KIF27: variants seen among roughly 807,000 people sequenced by gnomAD.
KIF27 encodes kinesin-like protein KIF27.
A neutral mutation model predicts 141.8 loss-of-function variants in KIF27; 84 were observed. The ratio of observed to expected loss-of-function variants is 0.59; its 90% CI spans 0.50 to 0.71. KIF27 has a LOEUF of 0.71. KIF27 is among the 30% of genes least tolerant of loss of function. The pLI is 0.00. For synonymous variants in KIF27, 471 were observed against 569.5 expected, an observed-to-expected ratio of 0.83 and a Z score of 2.46; for missense variants, 1,306 against 1,628.4, an observed-to-expected ratio of 0.80 and a Z score of 3.41.
At position 83,848,170 on chromosome 9, in the gene KIF27, T is replaced by A. The variant is rs865881252; in HGVS notation, c.3556+1929A>T. Among the ~76,000 whole-genome samples, 3 of 72,354 alleles carry A rather than the reference T, an allele frequency of 4.1e-5. 1 individual carries two copies. The highest frequency in any genetic ancestry group is 6.9e-5 in the African/African-American group (1 of 14,480). The allele number at this position is 72,354 out of a possible 152,430, so 47.5% of individuals were successfully genotyped here. ...TCTGATATATCATATATGATATATC[T>A]GATATATCATATATGATATATATGA... is the stretch of plus-strand genomic sequence containing the variant. On this transcript the variant is annotated intron_variant, in intron 16 of 17. Coordinates refer to ENST00000297814, the MANE Select transcript of KIF27 (RefSeq NM_017576.4).
chr9:83,834,348 C>G lies in KIF27; in HGVS notation c.*2653G>C, dbSNP rs2430862. ...GACTAAACTAGAATGACCAGAGGTTCATTTCCAGAATATATTATTCACGAC... is the reference window on the plus strand; with the variant it reads ...GACTAAACTAGAATGACCAGAGGTTGATTTCCAGAATATATTATTCACGAC... On this transcript the variant is annotated 3_prime_UTR_variant, in exon 18 of 18. Coordinates refer to ENST00000297814, the MANE Select transcript of KIF27 (RefSeq NM_017576.4). 2.6e-5 allele frequency among the ~76,000 whole-genome samples: 4 copies of G among 151,988 alleles called. No homozygotes were observed. Among genetic ancestry groups the G allele is most frequent in the South Asian group, 2.1e-4 (1 of 4,828 alleles).
chr9:83,879,196 A>G lies in KIF27; in HGVS notation c.2643+1101T>C, dbSNP rs1304160198. 2.0e-5 allele frequency among the ~76,000 whole-genome samples: 3 copies of G among 149,838 alleles called. No individual in the cohort carries two copies. The East Asian group carries it at 5.8e-4, about 29-fold the overall frequency. On this transcript the variant is annotated intron_variant, in intron 11 of 17. Transcript: ENST00000297814. ...TCCATCTCAAAAAAAAAAAAAAGGA[A>G]AAAAAGTTAAAATGGTAAATTTTAT...
At chr9:83,918,805 G>T (rs1476580620) in intron 1 of KIF27, among the ~76,000 whole-genome samples, 2 of 152,190 alleles carry the variant, frequency 1.3e-5, no homozygotes, top group Non-Finnish European at 2.9e-5. Context: ...GCCAGGCGCA[G>T]TGGCTCAAAC....
intron 3 of KIF27, among the ~76,000 whole-genome samples, chr9:83,907,974 G>A (rs995059173): frequency 1.3e-5 from 2 of 152,110 alleles, no homozygotes; most frequent in Non-Finnish European, 2.9e-5. Context: ...ATTTAAGAGA[G>A]ATTAATAGGC....
At chr9:83,914,343 T>C (rs1955485915) in intron 2 of KIF27, among the ~76,000 whole-genome samples, 1 of 152,060 alleles carries the variant, frequency 6.6e-6, no homozygotes, top group East Asian at 1.9e-4. Flanking sequence ...ATACAGATTG[T>C]TTTCTTTTAG....
intron 12 of KIF27, chr9:83,868,340 A>T (rs1344933062): frequency 1.3e-5 from 2 of 152,552 alleles, no homozygotes; most frequent in Non-Finnish European, 2.9e-5. Context: ...ATAAAATGTT[A>T]AATGAATGAG....
intron 13 of KIF27, among the ~76,000 whole-genome samples, chr9:83,865,729 A>G (rs745748736): frequency 2.6e-5 from 4 of 152,224 alleles, no homozygotes; most frequent in African/African-American, 4.8e-5. Context: ...TTCTTGCTCT[A>G]TCTCTAATGT....
At chr9:83,889,701 C>T (rs542263633) in intron 6 of KIF27, among the ~76,000 whole-genome samples, 1 of 151,880 alleles carries the variant, frequency 6.6e-6, no homozygotes, top group African/African-American at 2.4e-5. Flanking sequence ...AAACCCAGAG[C>T]CGTCTCCACT....
intron 12 of KIF27, among the ~76,000 whole-genome samples, chr9:83,870,269 C>T (rs568803752): frequency 9.2e-5 from 14 of 152,154 alleles, no homozygotes; most frequent in Admixed American, 5.2e-4. Context: ...AGGGTTCAAG[C>T]GATTCTCCTG....
intron 13 of KIF27, among the ~76,000 whole-genome samples, chr9:83,862,731 T>C (rs1486013065): frequency 6.6e-6 from 1 of 152,200 alleles, no homozygotes; most frequent in African/African-American, 2.4e-5. Context: ...GGTAGCTTGA[T>C]GGGGATGGCA....
chr9:83,918,166 T>C (rs1458468954), intron 1 of KIF27, among the ~76,000 whole-genome samples: 2 of 152,086 alleles, frequency 1.3e-5, no homozygotes, highest in African/African-American at 2.4e-5. Flanking sequence ...TCTCAGCTAC[T>C]TGGGAAGCTA....
chr9:83,844,574 C>T (rs906542659), intron 16 of KIF27, among the ~76,000 whole-genome samples: 5 of 152,108 alleles, frequency 3.3e-5, no homozygotes, highest in Middle Eastern at 3.2e-3. Flanking sequence ...TAGTCCTTGA[C>T]ATGAACTGTT....
At chr9:83,842,552 GCCT>G (rs1393434888) in intron 16 of KIF27, 151 bp from the exon 17 acceptor site, 1 of 1,050,356 alleles carries the variant, frequency 9.5e-7, no homozygotes, top group Non-Finnish European at 1.3e-6. Context: ...TGTAAGCTCC[GCCT>G]CCCAGGTTCA....
Position 83,834,621 on chromosome 9 carries a change from C to T in KIF27, c.*2380G>A, listed in dbSNP as rs982798108. 2.0e-5 allele frequency among the ~76,000 whole-genome samples: 3 copies of T among 151,730 alleles called. No homozygotes were observed. Among genetic ancestry groups the T allele is most frequent in the Non-Finnish European group, 4.4e-5 (3 of 67,876 alleles). On this transcript the variant is annotated 3_prime_UTR_variant, in exon 18 of 18. Coordinates refer to ENST00000297814, the MANE Select transcript of KIF27 (RefSeq NM_017576.4). The stretch of plus-strand genomic sequence containing the variant: ...TTAATTTCTTGAGCAAGTAGGATTC[C>T]AGTATCAGAATACATTCTTAAATGA...
chr9:83,841,452 T>C (rs1296647843), intron 17 of KIF27, among the ~76,000 whole-genome samples: 1 of 152,242 alleles, frequency 6.6e-6, no homozygotes, highest in East Asian at 1.9e-4. Flanking sequence ...TTACATCTTG[T>C]GTGCCCATCT....
intron 2 of KIF27, among the ~76,000 whole-genome samples, chr9:83,910,686 T>C (rs1053906687): frequency 5.3e-5 from 8 of 152,180 alleles, no homozygotes. Flanking sequence ...GAAACATCTC[T>C]ACACCTCTTC....
rs1318834820 is a variant in KIF27, at chr9:83,835,757, G to A, written c.*1244C>T. 1 of 152,178 alleles carries A rather than the reference G, an allele frequency of 6.6e-6. No individual in the cohort carries two copies. The highest frequency in any genetic ancestry group is 1.9e-4 in the East Asian group (1 of 5,200). 9.4% of individuals were successfully genotyped at this position (152,178 alleles called of 1,614,324 possible). A position where few individuals can be genotyped will look rare whatever the true frequency, so the allele number is the denominator to read the frequency against. ...AAATGGATTCAGCAAGGAAGTGGGT[G>A]ACTCTGAGTAAGCATCCATGTCAGG... On this transcript the variant is annotated 3_prime_UTR_variant, in exon 18 of 18. Transcript: ENST00000297814.
chr9:83,911,911 A>G (rs1217022626), intron 2 of KIF27, among the ~76,000 whole-genome samples: 1 of 152,150 alleles, frequency 6.6e-6, no homozygotes, highest in Non-Finnish European at 1.5e-5. Flanking sequence ...ATGCGGGGAG[A>G]GCTATTGCTT....
At chr9:83,881,061 T>C (rs1951637887) in intron 10 of KIF27, among the ~76,000 whole-genome samples, 1 of 152,200 alleles carries the variant, frequency 6.6e-6, no homozygotes, top group Middle Eastern at 3.4e-3. Flanking sequence ...CTTGTTTTTA[T>C]AGCTACAGCT....
Sources: allele counts gnomAD v4.1 joint callset (sites outside exome capture counted in the v4.1 genomes callset), GRCh38; gene constraint gnomAD v4.1.1; transcripts MANE v1.5; gene names NCBI Gene and HGNC (gene_info 2026-07-23, HGNC 2026-07-21).